The following SAG variants were observed in gnomAD, a reference collection of about 807,000 sequenced individuals.
The protein encoded by SAG is S-antigen visual arrestin.
Under a neutral mutation model 55.0 loss-of-function variants are expected in SAG, and 45 were observed. The observed-to-expected ratio is 0.82, with a 90% CI of 0.64 to 1.05. The LOEUF (loss-of-function observed/expected upper bound fraction) is 1.05, where lower values mean the gene tolerates loss of function less well. Ranked by LOEUF, SAG falls within the 50% of genes least tolerant of loss-of-function variation. The pLI, the probability that SAG is intolerant of heterozygous loss-of-function variation, is 0.00. For synonymous variants in SAG, 189 were observed against 197.4 expected (o/e 0.96, Z 0.36); for missense variants, 455 against 512.1 (o/e 0.89, Z 1.08).
In SAG at chr2:233,346,894, G is replaced by A; in HGVS notation, c.1200G>A (p.Lys400=). Residue 400 remains lysine (K), a synonymous_variant, in exon 16 of 16, where the codon AAG becomes AAA. Coordinates refer to ENST00000409110, the MANE Select transcript of SAG (RefSeq NM_000541.5). ...AAGCTGAGGAGGGGAAGAGAGACAA[G>A]AATGACGTTGATGAGTGAAGATGTC... ...AGEAEEGKRD[K]NDVDE 1 of 1,608,444 alleles carries A rather than the reference G, an allele frequency of 6.2e-7. No individual in the cohort carries two copies. Among genetic ancestry groups the A allele is most frequent in the Non-Finnish European group, 8.5e-7 (1 of 1,175,446 alleles).
intron 14 of SAG, 134 bp from the exon 15 acceptor site, chr2:233,346,269 C>G: frequency 2.2e-6 from 2 of 908,546 alleles, no homozygotes. Context: ...CTGCATGTAT[C>G]TAGGCCTTAT....
chr2:233,338,835 A>G (rs769254987), intron 12 of SAG, 82 bp downstream of exon 12: 19 of 1,179,828 alleles, frequency 1.6e-5, no homozygotes, highest in Non-Finnish European at 2.4e-5. Flanking sequence ...AATGACTGGG[A>G]GACAGAAAGC....
intron 9 of SAG, 73 bp downstream of exon 9, chr2:233,329,650 T>G (rs1195403272): frequency 9.5e-7 from 1 of 1,050,558 alleles, no homozygotes; most frequent in Non-Finnish European, 1.5e-6. Flanking sequence ...AGAGGTCACT[T>G]CTCTGGTCTG....
At chr2:233,332,699 T>C (rs1254504855) in intron 10 of SAG, 1 of 150,572 alleles carries the variant, frequency 6.6e-6, no homozygotes, top group Non-Finnish European at 1.5e-5. Flanking sequence ...TTTGCTCTTG[T>C]TGCCCAAGCA....
At chr2:233,331,826 C>T (rs533992051) in intron 10 of SAG, 114 bp downstream of exon 10, 164 of 767,800 alleles carry the variant, frequency 2.1e-4, no homozygotes, top group Non-Finnish European at 3.3e-4. Context: ...GCCAGCCTTC[C>T]ACTTCCTTCC....
intron 9 of SAG, among the ~76,000 whole-genome samples, chr2:233,330,958 T>G (rs1700741724): frequency 6.6e-6 from 1 of 151,960 alleles, no homozygotes; most frequent in Admixed American, 6.6e-5. Context: ...ACGCCTGTAA[T>G]CCCAGTACTT....
At chr2:233,329,442 G>A in intron 8 of SAG, 51 bp from the exon 9 acceptor site, 3 of 1,115,664 alleles carry the variant, frequency 2.7e-6, no homozygotes, top group South Asian at 2.5e-5. Context: ...TAAGATTAAA[G>A]ACACCGCCAC....
chr2:233,320,507 A>G (rs536946423), intron 4 of SAG, 123 bp from the exon 5 acceptor site: 92 of 701,610 alleles, frequency 1.3e-4, no homozygotes, highest in African/African-American at 5.5e-4. Flanking sequence ...GTTCTCTCCA[A>G]TCCCAGCCCC....
Position 233,309,172 on chromosome 2 carries a change from T to C in SAG, c.-18T>C, listed in dbSNP as rs780299448. The C allele has an allele frequency of 1.2e-6, 2 of 1,610,910 alleles. No homozygotes were observed. The highest frequency in any genetic ancestry group is 1.7e-5 in the Admixed American group (1 of 59,924). ...GACCAACACCCCAAGGTGGTAGAAG[T>C]TGCCAGGGACAGATAACATGGCAGC... On this transcript the variant is annotated 5_prime_UTR_variant, in exon 2 of 16. Transcript: ENST00000409110.
rs186978920 is a variant in SAG at position 233,328,216 on chromosome 2, A to G, written c.513-262A>G. On this transcript the variant is annotated intron_variant, in intron 7 of 15. Coordinates refer to ENST00000409110, the MANE Select transcript of SAG (RefSeq NM_000541.5). ...GCAGAGCTGGGAATCCACGGAGCCTAAGGGGCTAAGCTTGGCCCTCGGGAT... is the reference window on the plus strand; with the variant it reads ...GCAGAGCTGGGAATCCACGGAGCCTGAGGGGCTAAGCTTGGCCCTCGGGAT... 14 of 393,734 alleles carry G rather than the reference A, an allele frequency of 3.6e-5. No homozygotes were observed. In the Admixed American group the frequency reaches 4.6e-4, roughly 13 times the overall value. 24.4% of individuals were successfully genotyped at this position (393,734 alleles called of 1,614,324 possible).
chr2:233,308,991 C>CA (rs1700005944), intron 1 of SAG, 171 bp from the exon 2 acceptor site: 1 of 510,804 alleles, frequency 2.0e-6, no homozygotes, highest in Admixed American at 3.3e-5. Flanking sequence ...CAGTAAAATA[C>CA]AAACTAAGCA....
chr2:233,329,679 C>G, intron 9 of SAG, 102 bp downstream of exon 9: 1 of 766,954 alleles, frequency 1.3e-6, no homozygotes, highest in Non-Finnish European at 2.2e-6. Context: ...CTTCTGGGTC[C>G]TTGGAACTGG....
intron 14 of SAG, 178 bp downstream of exon 14, chr2:233,342,504 G>A (rs1305521121): frequency 3.2e-6 from 2 of 624,380 alleles, no homozygotes; most frequent in Non-Finnish European, 2.9e-6. Flanking sequence ...TCTGTTCAGC[G>A]CTGAGCCGGG....
rs79063407 is a variant in SAG, at chr2:233,316,092, G to A, written c.93G>A (p.Gly31=). 0.011 allele frequency: 17,558 copies of A among 1,596,266 alleles called. 139 individuals carry two copies. Among genetic ancestry groups the A allele is most frequent in the Non-Finnish European group, 0.014 (16,070 of 1,169,156 alleles). ...TCTTGCAGGTGACCATCTACCTGGG[G>A]AACAGAGACTACATAGACCATGTCA... The part of the protein sequence containing the change: ...SRDKSVTIYL[G]NRDYIDHVSQ... Residue 31 remains glycine (G), a synonymous_variant, in exon 3 of 16, where the codon GGG becomes GGA. Transcript: ENST00000409110.
intron 10 of SAG, 163 bp from the exon 11 acceptor site, chr2:233,334,799 T>C: frequency 1.4e-6 from 1 of 712,830 alleles, no homozygotes; most frequent in Non-Finnish European, 2.4e-6. Context: ...TCACAAGCAC[T>C]GTTCTGCTTC....
intron 2 of SAG, among the ~76,000 whole-genome samples, chr2:233,315,481 C>T (rs12623795): frequency 0.049 from 7,358 of 151,086 alleles, 284 homozygotes; most frequent in Admixed American, 0.096. Context: ...TTAGTAGAGA[C>T]AGGGTTTCGT....
chr2:233,314,076 G>A (rs1305372440), intron 2 of SAG, among the ~76,000 whole-genome samples: 1 of 151,898 alleles, frequency 6.6e-6, no homozygotes, highest in African/African-American at 2.4e-5. Context: ...TAAAAAATTA[G>A]CTGGGCATGG....
At chr2:233,341,445 C>T (rs552950360) in intron 13 of SAG, among the ~76,000 whole-genome samples, 1 of 152,294 alleles carries the variant, frequency 6.6e-6, no homozygotes, top group African/African-American at 2.4e-5. Flanking sequence ...CAAATGTCCA[C>T]CAACAGATGA....
chr2:233,338,884 A>G, intron 12 of SAG, 131 bp downstream of exon 12: 1 of 767,370 alleles, frequency 1.3e-6, no homozygotes, highest in African/African-American at 1.7e-5. Flanking sequence ...ATTACCAAGT[A>G]GAGCTTGGGA....
Sources: allele counts gnomAD v4.1 joint callset (sites outside exome capture counted in the v4.1 genomes callset), GRCh38; gene constraint gnomAD v4.1.1; transcripts MANE v1.5; gene names NCBI Gene and HGNC (gene_info 2026-07-23, HGNC 2026-07-21).